PGGT1B: variants seen among roughly 807,000 people sequenced by gnomAD.
PGGT1B encodes the protein protein geranylgeranyltransferase type I subunit beta, also known as geranylgeranyl transferase type-1 subunit beta.
PGGT1B carries 30 observed loss-of-function variants against 46.1 expected under a neutral mutation model. The ratio of observed to expected loss-of-function variants is 0.65; its 90% CI spans 0.49 to 0.88. The LOEUF is 0.88. PGGT1B is among the 40% of genes least tolerant of loss of function. The pLI is 0.00. For missense variants in PGGT1B, 376 were observed against 455.9 expected (o/e 0.82, Z 1.60); for synonymous variants, 170 against 160.0 (o/e 1.06, Z -0.47).
At chr5:115,227,231 T>C (rs1756818034) in intron 6 of PGGT1B, among the ~76,000 whole-genome samples, 1 of 152,144 alleles carries the variant, frequency 6.6e-6, no homozygotes, top group African/African-American at 2.4e-5. Context: ...GCAAGTGACT[T>C]CTCTGAGTGA....
chr5:115,251,724 G>A lies in PGGT1B; in HGVS notation c.259+1413C>T, dbSNP rs143250241. Reference sequence around the variant, plus strand: ...AAAAAATAATATAAAAATATATTTCGGCAAGAACTTAGGGAATAGCTTTCG... The same window carrying A: ...AAAAAATAATATAAAAATATATTTCAGCAAGAACTTAGGGAATAGCTTTCG... On this transcript the variant is annotated intron_variant, in intron 2 of 8. Transcript: ENST00000419445. 3.5e-3 allele frequency among the ~76,000 whole-genome samples: 527 copies of A among 151,518 alleles called. 5 individuals carry two copies. The East Asian group carries it at 0.063, about 18-fold the overall frequency.
At chr5:115,260,677 G>A (rs1490076468) in intron 1 of PGGT1B, among the ~76,000 whole-genome samples, 1 of 152,106 alleles carries the variant, frequency 6.6e-6, no homozygotes, top group Non-Finnish European at 1.5e-5. Context: ...TAGGCTATAA[G>A]AAAACCAAAA....
At chr5:115,219,924 C>T (rs1427239311) in intron 7 of PGGT1B, among the ~76,000 whole-genome samples, 1 of 151,488 alleles carries the variant, frequency 6.6e-6, no homozygotes, top group African/African-American at 2.4e-5. Context: ...AATATATATA[C>T]ATAAAAACAA....
chr5:115,255,145 G>A (rs950071438), intron 1 of PGGT1B, among the ~76,000 whole-genome samples: 11 of 152,174 alleles, frequency 7.2e-5, no homozygotes, highest in African/African-American at 2.4e-4. Context: ...ATAAATGGAA[G>A]CCATTATCCT....
chr5:115,222,024 A>G lies in PGGT1B; in HGVS notation c.659-16T>C, dbSNP rs1488007849. 6.7e-7 allele frequency: 1 copy of G among 1,496,492 alleles called. No homozygotes were observed. Among genetic ancestry groups the G allele is most frequent in the Admixed American group, 2.2e-5 (1 of 44,520 alleles). 92.7% of individuals were successfully genotyped at this position (1,496,492 alleles called of 1,614,324 possible). The stretch of plus-strand genomic sequence containing the variant: ...GTTGATCCTCCTGTTAATCAAAACC[A>G]CACAACGTTTTAAACTTCAAATTAG... On this transcript the variant is annotated splice_polypyrimidine_tract_variant and intron_variant, in intron 6 of 8. Coordinates refer to ENST00000419445, the MANE Select transcript of PGGT1B (RefSeq NM_005023.4).
Position 115,210,486 on chromosome 5 carries a change from A to T in PGGT1B, c.*1916T>A, listed in dbSNP as rs1238616002. The T allele has an allele frequency of 6.6e-6, 1 of 152,120 alleles. No homozygotes were observed. The highest frequency in any genetic ancestry group is 1.5e-5 in the Non-Finnish European group (1 of 67,982). The allele number at this position is 152,120 out of a possible 1,614,324, so 9.4% of individuals were successfully genotyped here. On this transcript the variant is annotated 3_prime_UTR_variant, in exon 9 of 9. Transcript: ENST00000419445. Reference sequence around the variant, plus strand: ...ATTTACTAGTCCATAAAGTTTCACAAGAAAGTCTCCCACAAGTGTATCAAT... The same window carrying T: ...ATTTACTAGTCCATAAAGTTTCACATGAAAGTCTCCCACAAGTGTATCAAT...
chr5:115,220,462 A>G (rs1213244857), intron 7 of PGGT1B, among the ~76,000 whole-genome samples: 1 of 151,842 alleles, frequency 6.6e-6, no homozygotes, highest in Non-Finnish European at 1.5e-5. Flanking sequence ...AAGAATAGGG[A>G]ATTACTGTTT....
chr5:115,249,547 G>C (rs931583489), intron 2 of PGGT1B, among the ~76,000 whole-genome samples: 3 of 152,092 alleles, frequency 2.0e-5, no homozygotes, highest in African/African-American at 7.2e-5. Flanking sequence ...GTGGGAGTCA[G>C]GGTAGATCAG....
intron 2 of PGGT1B, 100 bp from the exon 3 acceptor site, chr5:115,241,706 G>T (rs773867840): frequency 2.5e-6 from 2 of 803,038 alleles, no homozygotes; most frequent in Non-Finnish European, 3.8e-6. Flanking sequence ...GACTATTTTA[G>T]TCTCCATTTT....
Position 115,205,241 on chromosome 5 carries a change from C to T in PGGT1B, c.*7161G>A, listed in dbSNP as rs997780794. On this transcript the variant is annotated 3_prime_UTR_variant, in exon 9 of 9. Transcript: ENST00000419445. ...TATGTCTTTCATGATCCCACCTATA[C>T]TTTAAGAAAACTTTTTGACTCACAA... 6.6e-6 allele frequency: 1 copy of T among 152,142 alleles called. No homozygotes were observed. The highest frequency in any genetic ancestry group is 6.6e-5 in the Admixed American group (1 of 15,260). 9.4% of individuals were successfully genotyped at this position (152,142 alleles called of 1,614,324 possible).
intron 6 of PGGT1B, among the ~76,000 whole-genome samples, chr5:115,225,285 TG>T (rs2126998959): frequency 6.6e-6 from 1 of 152,376 alleles, no homozygotes; most frequent in African/African-American, 2.4e-5. Flanking sequence ...AATTAGCATA[TG>T]CAGAATACTT....
rs1187447040 is a variant in PGGT1B at position 115,216,992 on chromosome 5, T to C, written c.844-19A>G. 5.5e-6 allele frequency: 6 copies of C among 1,086,008 alleles called. No homozygotes were observed. The African/African-American group carries it at 9.4e-5, about 17-fold the overall frequency. The allele number at this position is 1,086,008 out of a possible 1,614,324, so 67.3% of individuals were successfully genotyped here. ...TTAGAAGCTGAAATGACATGACAAA[T>C]AAAAATTTACTGACATAAAACTCAT... On this transcript the variant is annotated intron_variant, in intron 7 of 8. Coordinates refer to ENST00000419445, the MANE Select transcript of PGGT1B (RefSeq NM_005023.4).
intron 2 of PGGT1B, among the ~76,000 whole-genome samples, chr5:115,245,614 G>A (rs1340057219): frequency 1.3e-5 from 2 of 152,194 alleles, no homozygotes; most frequent in Non-Finnish European, 2.9e-5. Context: ...TTAATAAACA[G>A]TAACCATTCA....
intron 6 of PGGT1B, among the ~76,000 whole-genome samples, chr5:115,228,838 A>C (rs1461455611): frequency 6.6e-6 from 1 of 152,154 alleles, no homozygotes; most frequent in Non-Finnish European, 1.5e-5. Flanking sequence ...ATATAAGATG[A>C]GGAATGAGAA....
At chr5:115,239,868 T>G (rs950031716) in intron 3 of PGGT1B, among the ~76,000 whole-genome samples, 1 of 152,212 alleles carries the variant, frequency 6.6e-6, no homozygotes, top group African/African-American at 2.4e-5. Context: ...TCCATCAGTG[T>G]TTCTCAAAAA....
At chr5:115,220,223 G>T (rs554104574) in intron 7 of PGGT1B, among the ~76,000 whole-genome samples, 48 of 151,856 alleles carry the variant, frequency 3.2e-4, no homozygotes, top group Non-Finnish European at 6.5e-4. Context: ...GATAAATGAA[G>T]AAGGAAAACG....
chr5:115,227,432 T>C (rs564208522), intron 6 of PGGT1B, among the ~76,000 whole-genome samples: 2 of 152,316 alleles, frequency 1.3e-5, no homozygotes, highest in East Asian at 3.9e-4. Context: ...GTGATGCTGG[T>C]AGAGTCCAGC....
intron 6 of PGGT1B, among the ~76,000 whole-genome samples, chr5:115,223,681 C>T (rs1756663580): frequency 6.6e-6 from 1 of 152,162 alleles, no homozygotes; most frequent in Non-Finnish European, 1.5e-5. Context: ...TGCTGCTTTA[C>T]ACCCCTATAT....
intron 1 of PGGT1B, among the ~76,000 whole-genome samples, chr5:115,257,068 T>C (rs988180592): frequency 6.6e-6 from 1 of 152,150 alleles, no homozygotes; most frequent in African/African-American, 2.4e-5. Context: ...AAGAAGTTTA[T>C]CTTACAAGGA....
Sources: allele counts gnomAD v4.1 joint callset (sites outside exome capture counted in the v4.1 genomes callset), GRCh38; gene constraint gnomAD v4.1.1; transcripts MANE v1.5; gene names NCBI Gene and HGNC (gene_info 2026-07-23, HGNC 2026-07-21).